Variants in ITGA4 observed in about 807,000 individuals in gnomAD.
The protein encoded by ITGA4 is integrin subunit alpha 4.
In ITGA4, 63 loss-of-function variants were observed where a neutral mutation model predicts 133.6. The ratio of observed to expected loss-of-function variants is 0.47; its 90% confidence interval spans 0.38 to 0.58. The LOEUF (loss-of-function observed/expected upper bound fraction) is 0.58. Among genes scored for constraint, ITGA4 ranks in the 20% least tolerant of loss-of-function variants. ITGA4 has a pLI of 0.00. For missense variants in ITGA4, 1,076 were observed against 1,252.7 expected (o/e 0.86, Z 2.13); for synonymous variants, 483 against 438.0 (o/e 1.10, Z -1.28).
chr2:181,464,760 G>A lies in ITGA4; in HGVS notation c.319+6443G>A, dbSNP rs1251934400. 2.0e-5 allele frequency among the ~76,000 whole-genome samples: 3 copies of A among 152,054 alleles called. No individual in the cohort carries two copies. The East Asian group carries it at 5.8e-4, about 29-fold the overall frequency. ...CCTTGGGTTCCAAAGACTCATATCA[G>A]GTAGTTCAGACAGTAACACCTGCTC... On this transcript the variant is annotated intron_variant, in intron 2 of 27. Coordinates refer to ENST00000397033, the MANE Select transcript of ITGA4 (RefSeq NM_000885.6).
intron 27 of ITGA4, 104 bp from the exon 28 acceptor site, chr2:181,535,328 G>C: frequency 1.1e-6 from 1 of 885,102 alleles, no homozygotes; most frequent in African/African-American, 1.7e-5. Context: ...AAGGGATGCA[G>C]TTTAAGAAAT....
intron 17 of ITGA4, among the ~76,000 whole-genome samples, chr2:181,520,696 T>C (rs1246521799): frequency 6.6e-6 from 1 of 152,142 alleles, no homozygotes; most frequent in Non-Finnish European, 1.5e-5. Flanking sequence ...CAAAAAGTGG[T>C]TTCCCAGAGC....
chr2:181,488,458 C>T (rs530837255), intron 10 of ITGA4, among the ~76,000 whole-genome samples: 1 of 152,138 alleles, frequency 6.6e-6, no homozygotes, highest in Non-Finnish European at 1.5e-5. Flanking sequence ...TTTATAATGT[C>T]ATTTATAATT....
In ITGA4 at chr2:181,535,708, A is replaced by G. The variant is rs1687055912; in HGVS notation, c.*181A>G. ...CAATGATTACTCTTTGAGATAGAAG[A>G]ACTGCAAAGGTAATAATACAGCCAA... On this transcript the variant is annotated 3_prime_UTR_variant, in exon 28 of 28. Transcript: ENST00000397033. 1 of 658,108 alleles carries G rather than the reference A, an allele frequency of 1.5e-6. No individual in the cohort carries two copies. The highest frequency in any genetic ancestry group is 1.8e-5 in the African/African-American group (1 of 54,806). 40.8% of individuals were successfully genotyped at this position (658,108 alleles called of 1,614,324 possible).
chr2:181,493,931 GAA>G (rs11363527), intron 11 of ITGA4, among the ~76,000 whole-genome samples: 1 of 151,984 alleles, frequency 6.6e-6, no homozygotes, highest in East Asian at 1.9e-4. Flanking sequence ...TCAGTGCCTA[GAA>G]AAAAAATGAC....
chr2:181,475,234 G>C lies in ITGA4; in HGVS notation c.502G>C (p.Val168Leu). Reference sequence around the variant, plus strand: ...GCTCCCCACTGGTGGTTGCTATGGAGTGCCCCCTGATTTACGAACAGAACT... The same window carrying C: ...GCTCCCCACTGGTGGTTGCTATGGACTGCCCCCTGATTTACGAACAGAACT... The part of the protein sequence containing the change: ...NKLPTGGCYG[V>L]PPDLRTELSK... Residue 168 changes from valine to leucine, a missense_variant, in exon 4 of 28, where the codon GTG becomes CTG. Around this residue, in one of 4 missense-constraint regions of ITGA4, gnomAD observed 436 missense variants for 590.7 expected, o/e 0.74. Coordinates refer to ENST00000397033, the MANE Select transcript of ITGA4 (RefSeq NM_000885.6). The C allele has an allele frequency of 6.2e-7, 1 of 1,612,840 alleles. No individual in the cohort carries two copies. The highest frequency in any genetic ancestry group is 8.5e-7 in the Non-Finnish European group (1 of 1,178,804).
chr2:181,522,353 A>G lies in ITGA4; in HGVS notation c.2073+12A>G, dbSNP rs376930449. ...AGATTTTAGAGCTGGTAAGTACTGTAAACCACAATAGCATGATACTACTTG... is the reference window on the plus strand; with the variant it reads ...AGATTTTAGAGCTGGTAAGTACTGTGAACCACAATAGCATGATACTACTTG... On this transcript the variant is annotated intron_variant, in intron 18 of 27. Coordinates refer to ENST00000397033, the MANE Select transcript of ITGA4 (RefSeq NM_000885.6). 9.5e-6 allele frequency: 15 copies of G among 1,571,552 alleles called. No individual in the cohort carries two copies. The highest frequency in any genetic ancestry group is 1.2e-5 in the Non-Finnish European group (14 of 1,154,094).
rs371720134 is a variant in ITGA4 at position 181,535,160 on chromosome 2, G to C, written c.3003+225G>C. Among the ~76,000 whole-genome samples, 9 of 151,988 alleles carry C rather than the reference G, an allele frequency of 5.9e-5. No homozygotes were observed. In the East Asian group the frequency reaches 1.5e-3, roughly 26 times the overall value. ...AGACGTTCCTTTTAAAAAACCATTT[G>C]GAAAAGATTGCAAATTACACGGAAT... On this transcript the variant is annotated intron_variant, in intron 27 of 27. Coordinates refer to ENST00000397033, the MANE Select transcript of ITGA4 (RefSeq NM_000885.6).
At position 181,482,582 on chromosome 2, in the gene ITGA4, C is replaced by T. The variant is rs202006291; in HGVS notation, c.972C>T (p.Leu324=). ...DLNADGFSDL[L]VGAPMQSTIR... ...ATGCAGATGGCTTCTCAGATCTGCT[C>T]GTGGGAGCACCCATGCAGAGCACCA... The change falls in exon 9 of 28, where the codon CTC becomes CTT. Residue 324 remains leucine, a synonymous_variant. Transcript: ENST00000397033. 14 of 1,613,414 alleles carry T rather than the reference C, an allele frequency of 8.7e-6. No homozygotes were observed. Among genetic ancestry groups the T allele is most frequent in the Middle Eastern group, 1.6e-4 (1 of 6,082 alleles).
rs780888620 is a variant in ITGA4, at chr2:181,536,837, TG to T, written c.*1311del. ...TGCAGAATATCATTTTATCTGACTCTGCCTTCATAAGAGAGCTGTGGCCGAA... is the reference window on the plus strand; with the variant it reads ...TGCAGAATATCATTTTATCTGACTCTCCTTCATAAGAGAGCTGTGGCCGAA... On this transcript the variant is annotated 3_prime_UTR_variant, in exon 28 of 28. Transcript: ENST00000397033. 15 of 378,498 alleles carry T rather than the reference TG, an allele frequency of 4.0e-5. No homozygotes were observed. The highest frequency in any genetic ancestry group is 5.8e-5 in the Non-Finnish European group (11 of 189,426). 23.4% of individuals were successfully genotyped at this position (378,498 alleles called of 1,614,324 possible).
Position 181,516,142 on chromosome 2 carries a change from C to G in ITGA4, c.1922+4367C>G, listed in dbSNP as rs2105760906. Among the ~76,000 whole-genome samples, 1 of 152,100 alleles carries G rather than the reference C, an allele frequency of 6.6e-6. No homozygotes were observed. Among genetic ancestry groups the G allele is most frequent in the African/African-American group, 2.4e-5 (1 of 41,532 alleles). On this transcript the variant is annotated intron_variant, in intron 17 of 27. Coordinates refer to ENST00000397033, the MANE Select transcript of ITGA4 (RefSeq NM_000885.6). The surrounding 1 kb of genome is among the most constrained non-coding windows in gnomAD (Gnocchi z 4.0). ...TACAAATATAATAGAAGGTATTAGC[C>G]ATCACATAGGGAGTTTAAAATCAAA...
chr2:181,497,543 C>T (rs964738373), intron 14 of ITGA4, among the ~76,000 whole-genome samples: 1 of 151,970 alleles, frequency 6.6e-6, no homozygotes, highest in Non-Finnish European at 1.5e-5. Flanking sequence ...ATCCAATTGG[C>T]TTGGACTTCA....
intron 2 of ITGA4, among the ~76,000 whole-genome samples, chr2:181,462,164 A>G (rs1006392759): frequency 3.3e-5 from 5 of 152,134 alleles, no homozygotes; most frequent in Admixed American, 3.3e-4. Context: ...TCTTTAGGAG[A>G]TGCTTTCCTG....
intron 2 of ITGA4, chr2:181,458,986 T>G (rs1454745647): frequency 6.6e-6 from 1 of 152,324 alleles, no homozygotes; most frequent in Non-Finnish European, 1.5e-5. Flanking sequence ...GGGAGAAGTT[T>G]CATGTTTCAA....
At position 181,523,253 on chromosome 2, in the gene ITGA4, TAC is replaced by T. The variant is rs1421653724; in HGVS notation, c.2074-178_2074-177del. ...ATACATATATATACACATACATATATACACACATGCACACATATTTATATCAT... is the reference window on the plus strand; with the variant it reads ...ATACATATATATACACATACATATATACACATGCACACATATTTATATCAT... On this transcript the variant is annotated intron_variant, in intron 18 of 27. Coordinates refer to ENST00000397033, the MANE Select transcript of ITGA4 (RefSeq NM_000885.6). The surrounding 1 kb of genome is among the most constrained non-coding windows in gnomAD (Gnocchi z 4.2). 4.0e-6 allele frequency: 2 copies of T among 502,414 alleles called. No homozygotes were observed. The highest frequency in any genetic ancestry group is 7.2e-6 in the Non-Finnish European group (2 of 277,338). The allele number at this position is 502,414 out of a possible 1,614,324, so 31.1% of individuals were successfully genotyped here. A position where few individuals can be genotyped will look rare whatever the true frequency, so the allele number is the denominator to read the frequency against.
chr2:181,519,643 A>T (rs577812879), intron 17 of ITGA4, among the ~76,000 whole-genome samples: 1 of 152,266 alleles, frequency 6.6e-6, no homozygotes, highest in South Asian at 2.1e-4. Context: ...TGCCATGGTC[A>T]TATGATGCCA....
At chr2:181,524,505 A>G (rs1020779839) in intron 20 of ITGA4, 5 of 354,768 alleles carry the variant, frequency 1.4e-5, no homozygotes, top group African/African-American at 1.1e-4. Flanking sequence ...GTGTATTTGA[A>G]ATCAAAAACA....
intron 14 of ITGA4, among the ~76,000 whole-genome samples, chr2:181,497,757 A>C (rs993391760): frequency 3.9e-5 from 6 of 152,146 alleles, no homozygotes; most frequent in African/African-American, 1.4e-4. Flanking sequence ...AGTGAGTGAC[A>C]CCTCAGCAGA....
intron 17 of ITGA4, among the ~76,000 whole-genome samples, chr2:181,513,308 C>T (rs1686542322): frequency 6.6e-6 from 1 of 152,044 alleles, no homozygotes; most frequent in Non-Finnish European, 1.5e-5. Flanking sequence ...CCCTATTAGA[C>T]ATGTCCTTTT....
Sources: allele counts gnomAD v4.1 joint callset (sites outside exome capture counted in the v4.1 genomes callset), GRCh38; gene constraint gnomAD v4.1.1; regional missense constraint gnomAD v4.1.1; non-coding constraint Gnocchi (gnomAD v3.1); transcripts MANE v1.5; gene names NCBI Gene and HGNC (gene_info 2026-07-23, HGNC 2026-07-21).